PAOX: variants seen among roughly 807,000 people sequenced by gnomAD.
PAOX encodes the protein peroxisomal N(1)-acetyl-spermine/spermidine oxidase.
Under a neutral mutation model 39.0 loss-of-function variants are expected in PAOX, and 38 were observed. The ratio of observed to expected loss-of-function variants is 0.97; its 90% CI spans 0.75 to 1.28. The LOEUF is 1.28. PAOX is among the 50% of genes most tolerant of loss of function. PAOX has a pLI of 0.00. For missense variants in PAOX, 667 were observed against 685.7 expected, an observed-to-expected ratio of 0.97 and a Z score of 0.30; for synonymous variants, 311 against 314.4, an observed-to-expected ratio of 0.99 and a Z score of 0.11.
intron 3 of PAOX, among the ~76,000 whole-genome samples, chr10:133,382,143 C>T (rs1359712755): frequency 6.6e-6 from 1 of 152,220 alleles, no homozygotes. Flanking sequence ...TTGCTGTCAA[C>T]TGGACATTTG....
At chr10:133,385,745 G>A (rs563345776) in intron 4 of PAOX, among the ~76,000 whole-genome samples, 3 of 151,840 alleles carry the variant, frequency 2.0e-5, no homozygotes, top group Admixed American at 6.6e-5. Context: ...CACCACGCCC[G>A]GCTAATTGTT....
chr10:133,381,711 C>T (rs768919951), intron 3 of PAOX, 52 bp downstream of exon 3: 19 of 1,580,138 alleles, frequency 1.2e-5, no homozygotes, highest in Non-Finnish European at 1.6e-5. Flanking sequence ...CCGCCTCTGC[C>T]CTTACCCTGC....
At chr10:133,379,592 C>T (rs1460422639) in intron 1 of PAOX, 95 bp downstream of exon 1, 2 of 1,018,890 alleles carry the variant, frequency 2.0e-6, no homozygotes, top group South Asian at 5.1e-5. Flanking sequence ...ACCTGCCCGG[C>T]CGCCTCACCG....
intron 6 of PAOX, among the ~76,000 whole-genome samples, chr10:133,390,070 T>G (rs1165778593): frequency 6.6e-6 from 1 of 152,182 alleles, no homozygotes; most frequent in Non-Finnish European, 1.5e-5. Flanking sequence ...AAAAACATGT[T>G]TCTGCTACCA....
At position 133,391,497 on chromosome 10, in the gene PAOX, C is replaced by A; in HGVS notation, c.*42C>A. 1 of 1,559,368 alleles carries A rather than the reference C, an allele frequency of 6.4e-7. No individual in the cohort carries two copies. The highest frequency in any genetic ancestry group is 8.7e-7 in the Non-Finnish European group (1 of 1,154,422). On this transcript the variant is annotated 3_prime_UTR_variant, in exon 7 of 7. Coordinates refer to ENST00000278060, the MANE Select transcript of PAOX (RefSeq NM_152911.4). ...CTGTTCCACCCGTGTCGGGGGTAGG[C>A]TGGGACCCTCATTTCTTCTGACAGA...
rs777050920 is a variant in PAOX at position 133,380,082 on chromosome 10, C to T, written c.265C>T (p.Leu89=). ...CTTCCAGCTGGCTGCTGAGTACGGG[C>T]TGCTGGGGGAGAAGGAGCTGTCCCA... ...PVFQLAAEYG[L]LGEKELSQEN... Residue 89 remains leucine (L), a synonymous_variant, in exon 2 of 7, where the codon CTG becomes TTG. Transcript: ENST00000278060. The T allele has an allele frequency of 2.6e-6, 4 of 1,549,002 alleles. No homozygotes were observed. Among genetic ancestry groups the T allele is most frequent in the South Asian group, 2.5e-5 (2 of 80,398 alleles).
At position 133,380,141 on chromosome 10, in the gene PAOX, G is replaced by A. The variant is rs1849319185; in HGVS notation, c.324G>A (p.Val108=). The A allele has an allele frequency of 1.9e-6, 3 of 1,594,828 alleles. No individual in the cohort carries two copies. The highest frequency in any genetic ancestry group is 2.6e-6 in the Non-Finnish European group (3 of 1,169,132). The change falls in exon 2 of 7, where the codon GTG becomes GTA. Residue 108 remains valine (V), a synonymous_variant. Coordinates refer to ENST00000278060, the MANE Select transcript of PAOX (RefSeq NM_152911.4). ...AGCTGGTGGAGACCGGGGGTCACGT[G>A]GGCCTGCCCTCCGTGAGCTACGCCA... is the stretch of plus-strand genomic sequence containing the variant. The part of the protein sequence containing the change: ...ENQLVETGGH[V]GLPSVSYASS...
intron 4 of PAOX, among the ~76,000 whole-genome samples, chr10:133,388,298 C>G (rs552953944): frequency 6.6e-6 from 1 of 152,322 alleles, no homozygotes; most frequent in African/African-American, 2.4e-5. Context: ...TCTCCCTCCT[C>G]CCATCCTCCA....
At chr10:133,388,179 C>T (rs963285207) in intron 4 of PAOX, among the ~76,000 whole-genome samples, 8 of 152,114 alleles carry the variant, frequency 5.3e-5, no homozygotes, top group Admixed American at 1.3e-4. Context: ...CAGGGATATA[C>T]GTGCAGGTTT....
At chr10:133,387,396 A>C (rs1417079212) in intron 4 of PAOX, among the ~76,000 whole-genome samples, 1 of 152,260 alleles carries the variant, frequency 6.6e-6, no homozygotes, top group Non-Finnish European at 1.5e-5. Context: ...AAAGTCTTTC[A>C]GGATTGGGAA....
intron 3 of PAOX, among the ~76,000 whole-genome samples, chr10:133,383,271 C>G (rs746831587): frequency 6.6e-6 from 1 of 152,202 alleles, no homozygotes; most frequent in Non-Finnish European, 1.5e-5. Context: ...GTGGCCTTCA[C>G]TTTTTCTATT....
At chr10:133,385,465 CCT>C (rs67781333) in intron 4 of PAOX, among the ~76,000 whole-genome samples, 130,773 of 152,024 alleles carry the variant, frequency 0.86, 57,768 homozygotes, top group East Asian at 0.97. Flanking sequence ...TTGGTGGGAC[CCT>C]GTCTGTGGCA....
chr10:133,381,938 C>T (rs1169573819), intron 3 of PAOX, among the ~76,000 whole-genome samples: 3 of 152,094 alleles, frequency 2.0e-5, no homozygotes, highest in South Asian at 2.1e-4. Context: ...TTAACCACAC[C>T]GCACTTTGCT....
intron 6 of PAOX, 66 bp downstream of exon 6, chr10:133,389,813 C>A: frequency 7.2e-7 from 1 of 1,384,882 alleles, no homozygotes; most frequent in South Asian, 1.6e-5. Context: ...AGTCTGGGCG[C>A]TGCAGGAGCA....
At chr10:133,388,829 G>A (rs10745296) in intron 4 of PAOX, 127 bp from the exon 5 acceptor site, 41,719 of 78,548 alleles carry the variant, frequency 0.53, 14,332 homozygotes, top group East Asian at 0.77. Context: ...CTGTCATCCC[G>A]GGGCTCTCTT....
chr10:133,381,718 C>T, intron 3 of PAOX, 59 bp downstream of exon 3: 1 of 1,572,214 alleles, frequency 6.4e-7, no homozygotes, highest in South Asian at 1.1e-5. Flanking sequence ...TGCCCTTACC[C>T]TGCCTCAGTT....
intron 6 of PAOX, 174 bp from the exon 7 acceptor site, chr10:133,391,138 T>C (rs1849669664): frequency 1.4e-6 from 1 of 719,358 alleles, no homozygotes; most frequent in Non-Finnish European, 2.5e-6. Flanking sequence ...GTGTGTGAGC[T>C]GTTTTCCTGG....
chr10:133,385,670 A>G lies in PAOX; in HGVS notation c.1121+1458A>G, dbSNP rs541889730. 5.9e-5 allele frequency among the ~76,000 whole-genome samples: 9 copies of G among 152,126 alleles called. No individual in the cohort carries two copies. The South Asian group carries it at 1.9e-3, about 32-fold the overall frequency. ...GCAATCTTGGCTCACTGCAAGCCCC[A>G]CCTCCTGGGTTCACGCCATTCTCCT... On this transcript the variant is annotated intron_variant, in intron 4 of 6. Transcript: ENST00000278060.
intron 6 of PAOX, among the ~76,000 whole-genome samples, chr10:133,390,321 T>A (rs1849641014): frequency 6.6e-6 from 1 of 152,092 alleles, no homozygotes; most frequent in Non-Finnish European, 1.5e-5. Flanking sequence ...CTCACACCTG[T>A]AATCCTAGTG....
Sources: gnomAD v4.1 joint callset for allele counts (sites outside exome capture counted in the v4.1 genomes callset) on GRCh38, gnomAD v4.1.1 for gene constraint, MANE v1.5 for transcripts, NCBI Gene and HGNC (gene_info 2026-07-23, HGNC 2026-07-21) for gene names.